ADGRV1: variants seen among roughly 807,000 people sequenced by gnomAD.
ADGRV1 encodes adhesion G protein-coupled receptor V1, also known as G-protein coupled receptor 98.
Under a neutral mutation model 596.2 loss-of-function variants are expected in ADGRV1, and 359 were observed. That is an observed-to-expected ratio of 0.60 (90% CI 0.55 to 0.66). ADGRV1 has a LOEUF of 0.66. ADGRV1 is among the 30% of genes least tolerant of loss of function. The pLI is 0.00. For synonymous variants in ADGRV1, 2,681 were observed against 2,679.2 expected (o/e 1.00, Z -0.02); for missense variants, 7,274 against 7,575.6 (o/e 0.96, Z 1.48).
intron 87 of ADGRV1, among the ~76,000 whole-genome samples, chr5:91,125,289 G>A (rs749345349): frequency 1.3e-5 from 2 of 152,166 alleles, no homozygotes; most frequent in Non-Finnish European, 2.9e-5. Flanking sequence ...ACAAACAGTG[G>A]TCTCTAAAAG....
chr5:90,768,704 C>G (rs1757394039), intron 59 of ADGRV1, among the ~76,000 whole-genome samples: 1 of 152,132 alleles, frequency 6.6e-6, no homozygotes, highest in Non-Finnish European at 1.5e-5. Context: ...TGCAGGACAA[C>G]TAAGCTCCAT....
Position 90,815,668 on chromosome 5 carries a change from T to C in ADGRV1, c.16128T>C (p.Ser5376=). Residue 5376 remains serine (S), a synonymous_variant, in exon 75 of 90, where the codon AGT becomes AGC. Transcript: ENST00000405460. ...GIIGFSEESQ[S]GLELREGAVM... is the part of the protein sequence containing the mutation. ...TAGGATTCAGTGAGGAGTCCCAGAG[T>C]GGACTAGAACTCAGGGAAGGAGCTG... is the stretch of plus-strand genomic sequence containing the variant. The C allele has an allele frequency of 6.3e-7, 1 of 1,580,438 alleles. No homozygotes were observed. The highest frequency in any genetic ancestry group is 8.6e-7 in the Non-Finnish European group (1 of 1,162,144).
intron 87 of ADGRV1, among the ~76,000 whole-genome samples, chr5:91,114,104 A>G (rs1470260870): frequency 6.6e-6 from 1 of 151,948 alleles, no homozygotes; most frequent in Admixed American, 6.6e-5. Flanking sequence ...CTGTAATCCC[A>G]GCTACTTGAG....
intron 83 of ADGRV1, among the ~76,000 whole-genome samples, chr5:90,936,065 A>C (rs1179045442): frequency 6.6e-6 from 1 of 152,194 alleles, no homozygotes; most frequent in Admixed American, 6.5e-5. Context: ...GAAAATCTGC[A>C]TTTGTAATAA....
chr5:91,143,527 A>G (rs777062691), intron 87 of ADGRV1, among the ~76,000 whole-genome samples: 3 of 152,216 alleles, frequency 2.0e-5, no homozygotes, highest in African/African-American at 4.8e-5. Context: ...GAGAGGAGAC[A>G]CCAGAGTAGG....
chr5:90,898,220 A>G (rs1338513703), intron 83 of ADGRV1, among the ~76,000 whole-genome samples: 7 of 152,184 alleles, frequency 4.6e-5, no homozygotes, highest in Non-Finnish European at 7.4e-5. Flanking sequence ...ATGTTTGACT[A>G]TTTGGTGCTG....
intron 83 of ADGRV1, among the ~76,000 whole-genome samples, chr5:90,897,217 A>G (rs1403586235): frequency 6.6e-6 from 1 of 152,226 alleles, no homozygotes; most frequent in Middle Eastern, 3.2e-3. Flanking sequence ...TATAAATATT[A>G]TGTAAAGTTT....
chr5:90,965,652 C>T, intron 84 of ADGRV1, 121 bp downstream of exon 84: 1 of 548,364 alleles, frequency 1.8e-6, no homozygotes, highest in South Asian at 2.8e-5. Flanking sequence ...TCACTGCATT[C>T]TCAGGATATA....
At chr5:90,987,074 C>T (rs1780554946) in intron 85 of ADGRV1, among the ~76,000 whole-genome samples, 1 of 152,214 alleles carries the variant, frequency 6.6e-6, no homozygotes, top group Non-Finnish European at 1.5e-5. Flanking sequence ...AATGAGCTTA[C>T]TCAAAGTATT....
intron 83 of ADGRV1, among the ~76,000 whole-genome samples, chr5:90,920,959 T>G (rs771307310): frequency 6.6e-6 from 1 of 152,226 alleles, no homozygotes; most frequent in South Asian, 2.1e-4. Context: ...ATTTTAGGTT[T>G]AAATTTTGTT....
intron 83 of ADGRV1, among the ~76,000 whole-genome samples, chr5:90,921,758 TATA>T (rs1202713606): frequency 1.3e-5 from 2 of 151,474 alleles, no homozygotes; most frequent in African/African-American, 4.8e-5. Context: ...TGCATATATG[TATA>T]ATAAGTAAGA....
chr5:90,704,342 C>A, intron 35 of ADGRV1, 47 bp from the exon 36 acceptor site: 2 of 1,111,548 alleles, frequency 1.8e-6, no homozygotes, highest in South Asian at 1.5e-5. Flanking sequence ...GGAGATAGTT[C>A]ATATTCAATA....
chr5:90,674,721 A>G (rs1321183797), intron 23 of ADGRV1: 1 of 153,528 alleles, frequency 6.5e-6, no homozygotes, highest in African/African-American at 2.4e-5. Context: ...TGTATTGGAA[A>G]ATAATATTTC....
At chr5:90,717,065 T>C (rs1750208691) in intron 43 of ADGRV1, 1 of 158,420 alleles carries the variant, frequency 6.3e-6, no homozygotes, top group African/African-American at 2.4e-5. Flanking sequence ...AAGCCAACTT[T>C]TGTAAACATT....
intron 77 of ADGRV1, among the ~76,000 whole-genome samples, chr5:90,834,358 T>C (rs1474597828): frequency 6.6e-6 from 1 of 152,160 alleles, no homozygotes; most frequent in African/African-American, 2.4e-5. Flanking sequence ...TCAGCTTTGT[T>C]TGTCTGGGAA....
chr5:90,866,315 A>ATGTGTGTGTGTGTGTGTGTGTGTG (rs149341618), intron 83 of ADGRV1, among the ~76,000 whole-genome samples: 21 of 138,330 alleles, frequency 1.5e-4, no homozygotes, highest in African/African-American at 4.1e-4. Flanking sequence ...GTATGTGTAT[A>ATGTGTGTGTGTGTGTGTGTGTGTG]TGTGTGTGTG....
chr5:90,941,440 G>T (rs1035560448), intron 83 of ADGRV1, among the ~76,000 whole-genome samples: 16 of 152,206 alleles, frequency 1.1e-4, no homozygotes, highest in Non-Finnish European at 1.9e-4. Flanking sequence ...GCAAGAAGGT[G>T]ATTATAGGTC....
At position 90,855,828 on chromosome 5, in the gene ADGRV1, T is replaced by C; in HGVS notation, c.17682T>C (p.Ala5894=). The C allele has an allele frequency of 6.2e-7, 1 of 1,612,732 alleles. No homozygotes were observed. Among genetic ancestry groups the C allele is most frequent in the Middle Eastern group, 1.7e-4 (1 of 6,060 alleles). The change falls in exon 82 of 90, where the codon GCT becomes GCC. Residue 5894 remains alanine (A), a synonymous_variant. Coordinates refer to ENST00000405460, the MANE Select transcript of ADGRV1 (RefSeq NM_032119.4). ...ECACSHMSVY[A]VYARTDNLSS... Reference sequence around the variant, plus strand: ...CCTGTTCACACATGTCTGTGTATGCTGTCTATGCTCGGACTGACAACTTGT... The same window carrying C: ...CCTGTTCACACATGTCTGTGTATGCCGTCTATGCTCGGACTGACAACTTGT...
rs200816323 is a variant in ADGRV1, at chr5:90,763,365, G to T, written c.12181G>T (p.Val4061Phe). The T allele has an allele frequency of 9.7e-4, 1,564 of 1,611,492 alleles. No individual in the cohort carries two copies. Among genetic ancestry groups the T allele is most frequent in the Non-Finnish European group, 1.3e-3 (1,494 of 1,178,732 alleles). Reference protein sequence around the residue: ...DPDSYVTLTVVRSPGGKGTVR... With the variant: ...DPDSYVTLTVFRSPGGKGTVR... The stretch of plus-strand genomic sequence containing the variant: ...TGATTCATATGTGACATTGACGGTT[G>T]TCCGGTCCCCAGGAGGAAAAGGAAC... Residue 4061 changes from valine (V) to phenylalanine (F), a missense_variant, in exon 59 of 90, where the codon GTC becomes TTC. Val to Phe is a conservative substitution (Grantham distance 50, BLOSUM62 -1). This residue lies in a region of ADGRV1 where 3,643 missense variants were observed against 3,809.2 expected (regional missense o/e 0.96). Coordinates refer to ENST00000405460, the MANE Select transcript of ADGRV1 (RefSeq NM_032119.4).
Sources: gnomAD v4.1 joint callset for allele counts (sites outside exome capture counted in the v4.1 genomes callset) on GRCh38, gnomAD v4.1.1 for gene constraint, gnomAD v4.1.1 regional missense constraint, MANE v1.5 for transcripts, NCBI Gene and HGNC (gene_info 2026-07-23, HGNC 2026-07-21) for gene names.